The following B4GALNT3 variants were observed in gnomAD, a reference collection of about 807,000 sequenced individuals.
The protein encoded by B4GALNT3 is beta-1,4-N-acetylgalactosaminyltransferase 3.
In B4GALNT3, 86 loss-of-function variants were observed where a neutral mutation model predicts 120.2. The ratio of observed to expected loss-of-function variants is 0.72; its 90% CI spans 0.60 to 0.86. The LOEUF (loss-of-function observed/expected upper bound fraction) is 0.86, where lower values mean the gene tolerates loss of function less well. Among genes scored for constraint, B4GALNT3 ranks in the 40% least tolerant of loss-of-function variants. The pLI is 0.00. For synonymous variants in B4GALNT3, 518 were observed against 510.4 expected (o/e 1.01, Z -0.20); for missense variants, 1,167 against 1,298.9 (o/e 0.90, Z 1.56).
chr12:561,214 C>G, intron 19 of B4GALNT3, 129 bp from the exon 20 acceptor site: 2 of 662,784 alleles, frequency 3.0e-6, no homozygotes, highest in Non-Finnish European at 5.3e-6. Context: ...CTTCAAAGCC[C>G]ACAGCCGTCC....
intron 1 of B4GALNT3, among the ~76,000 whole-genome samples, chr12:524,088 G>T (rs755282219): frequency 6.6e-6 from 1 of 152,042 alleles, no homozygotes; most frequent in African/African-American, 2.4e-5. Context: ...AACACACATC[G>T]GATAGACTGA....
chr12:553,110 C>T (rs12423080), intron 13 of B4GALNT3, 84 bp from the exon 14 acceptor site: 180,213 of 1,548,252 alleles, frequency 0.12, 13,768 homozygotes, highest in Admixed American at 0.32. Flanking sequence ...GTGCGTCACA[C>T]GTATGATCAT....
At chr12:557,575 T>C (rs1947172824) in intron 15 of B4GALNT3, 33 bp from the exon 16 acceptor site, 4 of 1,591,190 alleles carry the variant, frequency 2.5e-6, no homozygotes, top group Non-Finnish European at 3.4e-6. Context: ...GCCTTGTCTG[T>C]GTTTCCTTCT....
chr12:549,694 C>A, intron 9 of B4GALNT3, 75 bp from the exon 10 acceptor site: 1 of 1,577,810 alleles, frequency 6.3e-7, no homozygotes, highest in South Asian at 1.1e-5. Context: ...GCGTCTCTTC[C>A]CTCCCCTTCA....
Position 562,373 on chromosome 12 carries a change from G to A in B4GALNT3, c.*922G>A, listed in dbSNP as rs1947240757. 1 of 152,574 alleles carries A rather than the reference G, an allele frequency of 6.6e-6. No homozygotes were observed. The highest frequency in any genetic ancestry group is 1.5e-5 in the Non-Finnish European group (1 of 68,268). 9.5% of individuals were successfully genotyped at this position (152,574 alleles called of 1,614,324 possible). A position where few individuals can be genotyped will look rare whatever the true frequency, so the allele number is the denominator to read the frequency against. On this transcript the variant is annotated 3_prime_UTR_variant, in exon 20 of 20. Transcript: ENST00000266383. This position sits in a 1 kb window ranked among gnomAD's most constrained non-coding sequence, Gnocchi z 5.2. ...TTTCCTTAGGCAAGAAGCGGGTGGG[G>A]GCTGGACAGAAAGGGACGAAAAGGG...
intron 1 of B4GALNT3, among the ~76,000 whole-genome samples, chr12:479,821 A>G (rs780939586): frequency 2.0e-5 from 3 of 151,350 alleles, no homozygotes; most frequent in Non-Finnish European, 2.9e-5. Flanking sequence ...GTTTTTGCTC[A>G]TGTAAGTGCA....
chr12:553,019 GTTAA>G (rs767621053), intron 13 of B4GALNT3, 171 bp from the exon 14 acceptor site: 18 of 827,060 alleles, frequency 2.2e-5, no homozygotes, highest in Non-Finnish European at 3.4e-5. Flanking sequence ...AGAAACTGGG[GTTAA>G]TTGAGGTTGA....
At position 546,695 on chromosome 12, in the gene B4GALNT3, A is replaced by G. The variant is rs1947012101; in HGVS notation, c.689A>G (p.Gln230Arg). Residue 230 changes from glutamine (Q) to arginine (R), a missense_variant, in exon 7 of 20, where the codon CAA becomes CGA. Physicochemically the swap from Gln to Arg is conservative, Grantham distance 43. This residue lies in a region of B4GALNT3 where 983 missense variants were observed against 1,102.5 expected (regional missense o/e 0.89). Coordinates refer to ENST00000266383, the MANE Select transcript of B4GALNT3 (RefSeq NM_173593.4). ...APGEFGKFRS[Q>R]ISKPVSLSAS... The stretch of plus-strand genomic sequence containing the variant: ...GGAGAGTTTGGGAAATTTCGGAGCC[A>G]AATTTCCAAGCCGGTGAGGTGAGTG... The G allele has an allele frequency of 1.9e-6, 3 of 1,551,510 alleles. No homozygotes were observed. The highest frequency in any genetic ancestry group is 2.6e-6 in the Non-Finnish European group (3 of 1,146,886).
Position 548,212 on chromosome 12 carries a change from CCTCT to C in B4GALNT3, c.787-13_787-10del. ...GCTACCTCCCACCTTCTGCATCTAC[CCTCT>C]CTCTCCTCTTCCAGTGGCGACGGAA... On this transcript the variant is annotated splice_polypyrimidine_tract_variant and intron_variant, in intron 8 of 19. Coordinates refer to ENST00000266383, the MANE Select transcript of B4GALNT3 (RefSeq NM_173593.4). The surrounding 1 kb of genome is among the most constrained non-coding windows in gnomAD (Gnocchi z 4.9). 6.2e-7 allele frequency: 1 copy of C among 1,612,790 alleles called. No homozygotes were observed.
chr12:471,898 C>G (rs913494138), intron 1 of B4GALNT3, among the ~76,000 whole-genome samples: 1 of 152,070 alleles, frequency 6.6e-6, no homozygotes, highest in African/African-American at 2.4e-5. Context: ...ATTCTCTTAC[C>G]TTGTGGAGGG....
chr12:493,790 TA>T (rs574959613), intron 1 of B4GALNT3, among the ~76,000 whole-genome samples: 1 of 151,952 alleles, frequency 6.6e-6, no homozygotes, highest in African/African-American at 2.4e-5. Flanking sequence ...GGAGGCAGTT[TA>T]AAAAAAATGA....
Position 526,362 on chromosome 12 carries a change from C to T in B4GALNT3, c.170-8804C>T, listed in dbSNP as rs545381208. Among the ~76,000 whole-genome samples, 9 of 152,294 alleles carry T rather than the reference C, an allele frequency of 5.9e-5. No individual in the cohort carries two copies. In the South Asian group the frequency reaches 1.9e-3, roughly 32 times the overall value. ...ACTCCAGGGAGGAAAAGGATTGCCC[C>T]ACATCTTCCGTCTGCATGCAGAAAC... On this transcript the variant is annotated intron_variant, in intron 1 of 19. Coordinates refer to ENST00000266383, the MANE Select transcript of B4GALNT3 (RefSeq NM_173593.4).
intron 7 of B4GALNT3, among the ~76,000 whole-genome samples, chr12:547,723 C>T (rs1422403034): frequency 6.6e-6 from 1 of 152,236 alleles, no homozygotes; most frequent in South Asian, 2.1e-4. Flanking sequence ...ATATTGAAAG[C>T]ATTTAGAACA....
chr12:487,604 T>G (rs1946301840), intron 1 of B4GALNT3, among the ~76,000 whole-genome samples: 1 of 151,818 alleles, frequency 6.6e-6, no homozygotes, highest in African/African-American at 2.4e-5. Context: ...TCCCAGCTAC[T>G]TGGGAGGCTG....
intron 14 of B4GALNT3, 60 bp from the exon 15 acceptor site, chr12:556,487 C>G: frequency 6.7e-7 from 1 of 1,499,420 alleles, no homozygotes; most frequent in Non-Finnish European, 9.2e-7. Flanking sequence ...TTCTCACACA[C>G]CGTGCTACCC....
At chr12:472,587 G>A (rs1427103707) in intron 1 of B4GALNT3, among the ~76,000 whole-genome samples, 6 of 152,178 alleles carry the variant, frequency 3.9e-5, no homozygotes, top group Admixed American at 1.3e-4. Context: ...ACAGGTGCCC[G>A]CCACCACGCC....
intron 1 of B4GALNT3, among the ~76,000 whole-genome samples, chr12:512,192 C>CACCTTCCTCCTTCT (rs1180420060): frequency 1.3e-5 from 1 of 79,328 alleles, no homozygotes. Flanking sequence ...TTCCACCTTC[C>CACCTTCCTCCTTCT]GCCTTCCACC....
chr12:482,760 C>A (rs1009394730), intron 1 of B4GALNT3, among the ~76,000 whole-genome samples: 4 of 152,114 alleles, frequency 2.6e-5, no homozygotes, highest in African/African-American at 9.7e-5. Flanking sequence ...ACTCAGGAGG[C>A]TAAGGTGAGA....
intron 1 of B4GALNT3, among the ~76,000 whole-genome samples, chr12:494,279 A>G (rs1219411898): frequency 7.4e-6 from 1 of 134,346 alleles, no homozygotes; most frequent in Admixed American, 8.0e-5. Flanking sequence ...GAGACCTTGT[A>G]TAATACCTTG....
Sources: gnomAD v4.1 joint callset for allele counts (sites outside exome capture counted in the v4.1 genomes callset) on GRCh38, gnomAD v4.1.1 for gene constraint, gnomAD v4.1.1 regional missense constraint, Gnocchi (gnomAD v3.1) non-coding constraint, MANE v1.5 for transcripts, NCBI Gene and HGNC (gene_info 2026-07-23, HGNC 2026-07-21) for gene names.